Variants in NKAIN3 observed in about 807,000 individuals in gnomAD.
The protein encoded by NKAIN3 is sodium/potassium transporting ATPase interacting 3.
In NKAIN3, 25 loss-of-function variants were observed where a neutral mutation model predicts 30.2. The ratio of observed to expected loss-of-function variants is 0.83; its 90% CI spans 0.60 to 1.16. NKAIN3 has a LOEUF of 1.16. Among genes scored for constraint, NKAIN3 ranks in the 50% most tolerant of loss-of-function variants. The pLI is 0.00. For synonymous variants in NKAIN3, 91 were observed against 89.6 expected, an observed-to-expected ratio of 1.02 and a Z score of -0.09; for missense variants, 225 against 254.1, an observed-to-expected ratio of 0.89 and a Z score of 0.78.
intron 4 of NKAIN3, among the ~76,000 whole-genome samples, chr8:62,775,360 T>G (rs1414049978): frequency 6.6e-6 from 1 of 152,108 alleles, no homozygotes; most frequent in African/African-American, 2.4e-5. Flanking sequence ...AACAAAATTT[T>G]CATTTTGTTG....
intron 4 of NKAIN3, 123 bp from the exon 5 acceptor site, chr8:62,918,329 AG>A (rs1822170061): frequency 1.4e-6 from 1 of 710,328 alleles, no homozygotes; most frequent in African/African-American, 1.8e-5. Flanking sequence ...ATTTTAAAAG[AG>A]TTTTTCCACT....
intron 3 of NKAIN3, among the ~76,000 whole-genome samples, chr8:62,698,420 G>T (rs1814231449): frequency 6.6e-6 from 1 of 152,174 alleles, no homozygotes; most frequent in South Asian, 2.1e-4. Flanking sequence ...TCCTCCTGCA[G>T]ATTGGATGCC....
At chr8:62,285,572 C>G (rs531722703) in intron 1 of NKAIN3, among the ~76,000 whole-genome samples, 4 of 152,082 alleles carry the variant, frequency 2.6e-5, no homozygotes, top group African/African-American at 9.7e-5. Flanking sequence ...CAGTGGGGCT[C>G]TGAGTTAGAC....
chr8:62,947,711 C>T (rs1823164949), intron 5 of NKAIN3, among the ~76,000 whole-genome samples: 1 of 152,178 alleles, frequency 6.6e-6, no homozygotes, highest in Admixed American at 6.5e-5. Flanking sequence ...AGCCCTTGAA[C>T]TCATCTACCA....
At chr8:62,417,810 A>C (rs895690741) in intron 1 of NKAIN3, among the ~76,000 whole-genome samples, 1 of 151,696 alleles carries the variant, frequency 6.6e-6, no homozygotes, top group Non-Finnish European at 1.5e-5. Context: ...GCTTATTTTT[A>C]ATCAGATTAT....
intron 4 of NKAIN3, among the ~76,000 whole-genome samples, chr8:62,859,780 C>T (rs1039318477): frequency 5.9e-5 from 9 of 152,096 alleles, no homozygotes; most frequent in African/African-American, 2.2e-4. Flanking sequence ...GCTAGATTCT[C>T]ATGTACAGGA....
At chr8:62,855,216 C>T (rs779687242) in intron 4 of NKAIN3, 43 of 376,740 alleles carry the variant, frequency 1.1e-4, no homozygotes, top group Non-Finnish European at 1.9e-4. Context: ...CTCTTCCTAG[C>T]TCAGAAGAAA....
At chr8:62,706,486 C>A (rs1043884650) in intron 3 of NKAIN3, among the ~76,000 whole-genome samples, 2 of 152,006 alleles carry the variant, frequency 1.3e-5, no homozygotes, top group Non-Finnish European at 2.9e-5. Context: ...TTTGTCCCTA[C>A]CCTTCCCTAC....
At chr8:62,528,350 T>TTATATAATATAATATATA (rs56144773) in intron 1 of NKAIN3, among the ~76,000 whole-genome samples, 33,793 of 133,886 alleles carry the variant, frequency 0.25, 5,085 homozygotes, top group South Asian at 0.3. Flanking sequence ...AATATATATA[T>TTATATAATATAATATATA]ATATGACTTT....
chr8:62,903,137 G>A (rs1821662710), intron 4 of NKAIN3, among the ~76,000 whole-genome samples: 1 of 152,166 alleles, frequency 6.6e-6, no homozygotes, highest in East Asian at 1.9e-4. Context: ...GAATAAATGT[G>A]ATGCTGTTTC....
At chr8:62,718,561 CTTTT>C (rs1814981388) in intron 3 of NKAIN3, among the ~76,000 whole-genome samples, 2 of 152,196 alleles carry the variant, frequency 1.3e-5, no homozygotes, top group South Asian at 4.1e-4. Flanking sequence ...GAATATTGTT[CTTTT>C]TAACACATCA....
intron 1 of NKAIN3, among the ~76,000 whole-genome samples, chr8:62,526,088 G>A (rs988706657): frequency 1.3e-5 from 2 of 152,112 alleles, no homozygotes; most frequent in Non-Finnish European, 2.9e-5. Context: ...TTACAGTGGA[G>A]CAGAGGAGAC....
chr8:62,986,269 G>A (rs1253645827), downstream of NKAIN3, among the ~76,000 whole-genome samples: 4 of 152,200 alleles, frequency 2.6e-5, no homozygotes, highest in Non-Finnish European at 4.4e-5. Context: ...CCTGTGGAAC[G>A]CAGCCCATTC....
chr8:62,868,553 C>T (rs919032821), intron 4 of NKAIN3, among the ~76,000 whole-genome samples: 14 of 152,156 alleles, frequency 9.2e-5, no homozygotes, highest in Admixed American at 9.2e-4. Flanking sequence ...TGATGATACC[C>T]GTGGTGCTGT....
chr8:62,905,058 C>T (rs975968028), intron 4 of NKAIN3, among the ~76,000 whole-genome samples: 1 of 151,914 alleles, frequency 6.6e-6, no homozygotes, highest in Non-Finnish European at 1.5e-5. Flanking sequence ...CAAAGCAGTA[C>T]CTTGAAGCTG....
intron 4 of NKAIN3, among the ~76,000 whole-genome samples, chr8:62,767,019 G>A (rs76409009): frequency 1.3e-5 from 2 of 151,780 alleles, no homozygotes; most frequent in Admixed American, 6.6e-5. Flanking sequence ...AGGGAATCCA[G>A]CAAGGAGTAG....
chr8:62,640,877 T>C (rs567996677), intron 3 of NKAIN3, among the ~76,000 whole-genome samples: 1 of 152,240 alleles, frequency 6.6e-6, no homozygotes, highest in South Asian at 2.1e-4. Flanking sequence ...AAATCGAAGC[T>C]GAAAACTAGG....
intron 4 of NKAIN3, among the ~76,000 whole-genome samples, chr8:62,908,083 A>G (rs1335557788): frequency 2.0e-5 from 3 of 152,200 alleles, no homozygotes; most frequent in African/African-American, 7.2e-5. Context: ...GCTCAAGACC[A>G]TGGGAACCCC....
chr8:62,266,054 G>A (rs938853903), intron 1 of NKAIN3, among the ~76,000 whole-genome samples: 3 of 152,056 alleles, frequency 2.0e-5, no homozygotes, highest in African/African-American at 7.2e-5. Flanking sequence ...TCCTTACTGT[G>A]TCCCTCTGTT....
Sources: allele counts gnomAD v4.1 joint callset (sites outside exome capture counted in the v4.1 genomes callset), GRCh38; gene constraint gnomAD v4.1.1; transcripts MANE v1.5; gene names NCBI Gene and HGNC (gene_info 2026-07-23, HGNC 2026-07-21).